Variants in PARD3B observed in about 807,000 individuals in gnomAD.
PARD3B encodes partitioning defective 3 homolog B.
In PARD3B, 103 loss-of-function variants were observed where a neutral mutation model predicts 130.2. The observed-to-expected ratio is 0.79, with a 90% CI of 0.67 to 0.93. The LOEUF is 0.93. PARD3B is among the 40% of genes least tolerant of loss of function. The pLI, the probability that PARD3B is intolerant of heterozygous loss-of-function variation, is 0.00. For missense variants in PARD3B, 1,609 were observed against 1,499.2 expected (o/e 1.07, Z -1.21); for synonymous variants, 583 against 553.2 (o/e 1.05, Z -0.76).
chr2:204,828,957 C>T (rs1351715359), intron 2 of PARD3B, among the ~76,000 whole-genome samples: 1 of 152,194 alleles, frequency 6.6e-6, no homozygotes, highest in African/African-American at 2.4e-5. Context: ...CCTGTGCATT[C>T]CAGCCTTCTG....
At chr2:204,862,696 C>T (rs2045259634) in intron 2 of PARD3B, among the ~76,000 whole-genome samples, 1 of 152,166 alleles carries the variant, frequency 6.6e-6, no homozygotes, top group African/African-American at 2.4e-5. Context: ...TCACCAGAGC[C>T]TCACTTTTTC....
At position 204,935,485 on chromosome 2, in the gene PARD3B, G is replaced by A. The variant is rs1231112731; in HGVS notation, c.223-29667G>A. The stretch of plus-strand genomic sequence containing the variant: ...ACCCGGGAGGTGGAGCTTGCAGTGA[G>A]CCAAGATGGCGCCACTGTACTCCAG... On this transcript the variant is annotated intron_variant, in intron 2 of 22. Coordinates refer to ENST00000406610, the MANE Select transcript of PARD3B (RefSeq NM_001302769.2). 2.6e-5 allele frequency among the ~76,000 whole-genome samples: 4 copies of A among 151,784 alleles called. No homozygotes were observed. The East Asian group carries it at 5.8e-4, about 22-fold the overall frequency.
intron 2 of PARD3B, among the ~76,000 whole-genome samples, chr2:204,739,087 T>A (rs1171823992): frequency 6.6e-6 from 1 of 152,196 alleles, no homozygotes; most frequent in Non-Finnish European, 1.5e-5. Context: ...CTTTTTAATC[T>A]ACTTACTGGC....
intron 4 of PARD3B, among the ~76,000 whole-genome samples, chr2:205,060,314 C>T (rs1426432819): frequency 1.3e-5 from 2 of 152,102 alleles, no homozygotes; most frequent in African/African-American, 4.8e-5. Flanking sequence ...CAGTTAGTCT[C>T]AGACTGTTTA....
Position 205,118,589 on chromosome 2 carries a change from C to T in PARD3B, c.681-332C>T, listed in dbSNP as rs911984923. ...CCACGTTGGCACTAACTCAGACTTA[C>T]TATAGTCAGGTGTGATGCCCTTCTC... On this transcript the variant is annotated intron_variant, in intron 6 of 22. Coordinates refer to ENST00000406610, the MANE Select transcript of PARD3B (RefSeq NM_001302769.2). Among the ~76,000 whole-genome samples, 5 of 152,200 alleles carry T rather than the reference C, an allele frequency of 3.3e-5. No homozygotes were observed. In the South Asian group the frequency reaches 8.3e-4, roughly 25 times the overall value.
chr2:204,953,434 G>A (rs987530807), intron 2 of PARD3B, among the ~76,000 whole-genome samples: 1 of 140,988 alleles, frequency 7.1e-6, no homozygotes, highest in African/African-American at 2.8e-5. Flanking sequence ...GAGAGAGAGA[G>A]AGAGAGAGAG....
chr2:204,841,882 A>AC (rs1482732477), intron 2 of PARD3B, among the ~76,000 whole-genome samples: 1 of 150,228 alleles, frequency 6.7e-6, no homozygotes, highest in Non-Finnish European at 1.5e-5. Context: ...GTGTCAACAC[A>AC]ACTTTAAAAT....
chr2:204,968,049 T>C (rs374084300), intron 3 of PARD3B, among the ~76,000 whole-genome samples: 4 of 152,120 alleles, frequency 2.6e-5, no homozygotes, highest in African/African-American at 7.2e-5. Context: ...TTGGAACTGG[T>C]TGTACTTTTC....
intron 21 of PARD3B, among the ~76,000 whole-genome samples, chr2:205,547,950 A>G (rs4675534): frequency 0.94 from 143,211 of 152,244 alleles, 67,946 homozygotes; most frequent in East Asian, 1. Flanking sequence ...GGTGGATTGG[A>G]TGAAGTGCAC....
chr2:205,486,865 A>G lies in PARD3B; in HGVS notation c.3045-13031A>G, dbSNP rs561641673. On this transcript the variant is annotated intron_variant, in intron 20 of 22. Coordinates refer to ENST00000406610, the MANE Select transcript of PARD3B (RefSeq NM_001302769.2). ...AGACAAACCGTACCACGAGTTGAGA[A>G]TCTATTTGGATTAATTGTTATGACC... is the stretch of plus-strand genomic sequence containing the variant. 1.7e-4 allele frequency among the ~76,000 whole-genome samples: 26 copies of G among 152,266 alleles called. No homozygotes were observed. In the South Asian group the frequency reaches 4.4e-3, roughly 26 times the overall value.
intron 2 of PARD3B, among the ~76,000 whole-genome samples, chr2:204,833,532 T>C (rs1293257277): frequency 6.6e-6 from 1 of 152,054 alleles, no homozygotes; most frequent in African/African-American, 2.4e-5. Context: ...ACAATTCCCA[T>C]GTTTCCTGGA....
At chr2:205,192,683 C>A (rs941098838) in intron 14 of PARD3B, among the ~76,000 whole-genome samples, 21 of 152,120 alleles carry the variant, frequency 1.4e-4, no homozygotes, top group Non-Finnish European at 2.4e-4. Flanking sequence ...AGACTGTCTG[C>A]TTAGTGTTAA....
At chr2:204,893,360 A>G (rs952821648) in intron 2 of PARD3B, among the ~76,000 whole-genome samples, 11 of 152,196 alleles carry the variant, frequency 7.2e-5, no homozygotes, top group South Asian at 2.1e-4. Flanking sequence ...TTTAAAGTTT[A>G]ACAAAGAAAT....
Position 205,254,284 on chromosome 2 carries a change from A to G in PARD3B, c.2185+8462A>G, listed in dbSNP as rs183407231. Among the ~76,000 whole-genome samples, 39 of 152,120 alleles carry G rather than the reference A, an allele frequency of 2.6e-4. No individual in the cohort carries two copies. The Middle Eastern group carries it at 0.014, about 53-fold the overall frequency. On this transcript the variant is annotated intron_variant, in intron 16 of 22. Transcript: ENST00000406610. ...AGTTTTTTCAGCTAAATCGTAGCCGACACCTCATATTGGAAGTACACATTA... is the reference window on the plus strand; with the variant it reads ...AGTTTTTTCAGCTAAATCGTAGCCGGCACCTCATATTGGAAGTACACATTA...
At chr2:205,129,406 T>A (rs916172108) in intron 10 of PARD3B, among the ~76,000 whole-genome samples, 10 of 152,224 alleles carry the variant, frequency 6.6e-5, no homozygotes, top group African/African-American at 1.7e-4. Context: ...ACCGGCCTGT[T>A]TGAAAGGGCA....
intron 2 of PARD3B, among the ~76,000 whole-genome samples, chr2:204,723,780 A>AC (rs772000226): frequency 9.9e-5 from 15 of 152,180 alleles, no homozygotes; most frequent in Non-Finnish European, 1.9e-4. Context: ...GAAAGTGAGT[A>AC]TAATGGCAAT....
intron 2 of PARD3B, among the ~76,000 whole-genome samples, chr2:204,830,918 A>G (rs2125566214): frequency 6.6e-6 from 1 of 152,306 alleles, no homozygotes; most frequent in African/African-American, 2.4e-5. Context: ...TAGATTTGGT[A>G]AGCAAATGTG....
At chr2:204,641,572 C>A (rs186687145) in intron 1 of PARD3B, among the ~76,000 whole-genome samples, 38 of 151,978 alleles carry the variant, frequency 2.5e-4, no homozygotes, top group East Asian at 1.2e-3. Context: ...GTAGTCCTTT[C>A]TTGAGGGGAA....
intron 20 of PARD3B, among the ~76,000 whole-genome samples, chr2:205,441,061 A>G (rs972031596): frequency 6.6e-6 from 1 of 152,220 alleles, no homozygotes; most frequent in African/African-American, 2.4e-5. Flanking sequence ...AGAAGATGAT[A>G]GCTTCCAAGT....
Sources: gnomAD v4.1 joint callset for allele counts (sites outside exome capture counted in the v4.1 genomes callset) on GRCh38, gnomAD v4.1.1 for gene constraint, MANE v1.5 for transcripts, NCBI Gene and HGNC (gene_info 2026-07-23, HGNC 2026-07-21) for gene names.